HDLBP: variants seen among roughly 807,000 people sequenced by gnomAD.
HDLBP encodes vigilin.
A neutral mutation model predicts 137.3 loss-of-function variants in HDLBP; 30 were observed. The observed-to-expected ratio is 0.22, with a 90% confidence interval of 0.16 to 0.30. The LOEUF (loss-of-function observed/expected upper bound fraction) is 0.30, where lower values mean the gene tolerates loss of function less well. HDLBP is among the 10% of genes least tolerant of loss of function. The probability of loss-of-function intolerance (pLI) is 1.00; values close to 1 mark genes in which losing one functional copy is unlikely to be tolerated. For missense variants in HDLBP, 1,119 were observed against 1,667.3 expected (o/e 0.67, Z 5.73); for synonymous variants, 606 against 596.0 (o/e 1.02, Z -0.24).
chr2:241,264,387 T>C (rs2073485926), intron 4 of HDLBP, 61 bp downstream of exon 4: 1 of 1,310,828 alleles, frequency 7.6e-7, no homozygotes, highest in Non-Finnish European at 1.1e-6. Context: ...AAAAAAAATT[T>C]AAAAATTTAC....
chr2:241,255,633 C>A, intron 7 of HDLBP, 53 bp from the exon 8 acceptor site: 1 of 1,452,278 alleles, frequency 6.9e-7, no homozygotes, highest in African/African-American at 1.4e-5. Flanking sequence ...GGGAAGCGGG[C>A]AGGTGGGCAT....
Position 241,230,453 on chromosome 2 carries a change from G to A in HDLBP, c.3475-184C>T, listed in dbSNP as rs545541554. ...GTTAGGTGTATCTCAGGAGCACCTTGTTCCCAGCAGACAGAGGGCCGCAGC... is the reference window on the plus strand; with the variant it reads ...GTTAGGTGTATCTCAGGAGCACCTTATTCCCAGCAGACAGAGGGCCGCAGC... On this transcript the variant is annotated intron_variant, in intron 25 of 27. Transcript: ENST00000310931. The surrounding 1 kb of genome is among the most constrained non-coding windows in gnomAD (Gnocchi z 5.0). Among the ~76,000 whole-genome samples the A allele has an allele frequency of 1.3e-5, 2 of 152,268 alleles. No homozygotes were observed. The highest frequency in any genetic ancestry group is 2.9e-5 in the Non-Finnish European group (2 of 68,050).
At chr2:241,309,060 T>A (rs1278686169) in intron 1 of HDLBP, among the ~76,000 whole-genome samples, 1 of 152,210 alleles carries the variant, frequency 6.6e-6, no homozygotes, top group African/African-American at 2.4e-5. Flanking sequence ...TATAACGCTC[T>A]TCCCCAGATC....
At chr2:241,264,145 C>T (rs1169768446) in intron 4 of HDLBP, among the ~76,000 whole-genome samples, 5 of 151,872 alleles carry the variant, frequency 3.3e-5, no homozygotes, top group South Asian at 2.1e-4. Context: ...AGGCGGATCA[C>T]GAGGTCAGGA....
Position 241,247,158 on chromosome 2 carries a change from C to T in HDLBP, c.1732-16G>A, listed in dbSNP as rs1199867099. ...TATTTTCCACCTTAAAGACAAAAAA[C>T]ACAGCCCGATTCACCACCTGTGCTA... is the stretch of plus-strand genomic sequence containing the variant. On this transcript the variant is annotated splice_polypyrimidine_tract_variant and intron_variant, in intron 14 of 27. Transcript: ENST00000310931. 1 of 1,534,638 alleles carries T rather than the reference C, an allele frequency of 6.5e-7. No individual in the cohort carries two copies. The highest frequency in any genetic ancestry group is 9.0e-7 in the Non-Finnish European group (1 of 1,107,486).
At chr2:241,242,271 G>A (rs1427718313) in intron 17 of HDLBP, among the ~76,000 whole-genome samples, 189 bp downstream of exon 17, 2 of 152,064 alleles carry the variant, frequency 1.3e-5, no homozygotes, top group African/African-American at 2.4e-5. Flanking sequence ...TATTGCATAT[G>A]TGAGCGTTTG....
chr2:241,297,873 C>A (rs1490154221), intron 1 of HDLBP, among the ~76,000 whole-genome samples: 1 of 151,344 alleles, frequency 6.6e-6, no homozygotes, highest in Non-Finnish European at 1.5e-5. Flanking sequence ...CATGGTGAAA[C>A]CTTCTCTCTA....
intron 12 of HDLBP, among the ~76,000 whole-genome samples, chr2:241,249,038 T>C (rs188927842): frequency 1.3e-5 from 2 of 152,188 alleles, no homozygotes; most frequent in South Asian, 2.1e-4. Context: ...ACAAGGGACC[T>C]GGGCTGGAGG....
intron 3 of HDLBP, among the ~76,000 whole-genome samples, chr2:241,265,898 C>T (rs1233048171): frequency 6.6e-6 from 1 of 152,230 alleles, no homozygotes; most frequent in Non-Finnish European, 1.5e-5. Context: ...CAGAACAAAG[C>T]AGCTTCTCGG....
At chr2:241,277,107 T>G (rs1162362427) in intron 1 of HDLBP, among the ~76,000 whole-genome samples, 2 of 152,108 alleles carry the variant, frequency 1.3e-5, no homozygotes, top group Non-Finnish European at 2.9e-5. Context: ...AAAACTTGCT[T>G]CTAAGTAACT....
intron 1 of HDLBP, among the ~76,000 whole-genome samples, chr2:241,281,519 T>C (rs2074603676): frequency 6.6e-6 from 1 of 151,992 alleles, no homozygotes; most frequent in Non-Finnish European, 1.5e-5. Flanking sequence ...AGACCCTGTC[T>C]CAAAAAAATA....
intron 1 of HDLBP, among the ~76,000 whole-genome samples, chr2:241,295,739 G>C (rs1483800000): frequency 3.3e-5 from 5 of 152,184 alleles, no homozygotes; most frequent in African/African-American, 1.2e-4. Flanking sequence ...GATGATCCTG[G>C]ATTATCTGGG....
intron 1 of HDLBP, among the ~76,000 whole-genome samples, chr2:241,291,997 T>C (rs917729609): frequency 2.0e-5 from 3 of 152,074 alleles, no homozygotes; most frequent in Admixed American, 6.6e-5. Context: ...ACAGCAGCAA[T>C]AGGAAAGTAA....
In HDLBP at chr2:241,230,161, C is replaced by T; in HGVS notation, c.3583G>A (p.Glu1195Lys). ...EAIDHILNLEEEYLADVVDSE... is the reference protein window; with the variant it reads ...EAIDHILNLEKEYLADVVDSE... ...GGCCCACAGAGACTCACGTATTCCT[C>T]CTCCAGATTGAGGATGTGGTCGATG... Residue 1195 changes from glutamate to lysine, a missense_variant, in exon 26 of 28, where the codon GAG becomes AAG. By Grantham distance (56) the Glu-to-Lys change is moderately conservative (BLOSUM62 1). Coordinates refer to ENST00000310931, the MANE Select transcript of HDLBP (RefSeq NM_005336.6). The surrounding 1 kb of genome is among the most constrained non-coding windows in gnomAD (Gnocchi z 5.0). The T allele has an allele frequency of 1.2e-6, 2 of 1,612,596 alleles. No individual in the cohort carries two copies. The highest frequency in any genetic ancestry group is 1.7e-6 in the Non-Finnish European group (2 of 1,178,734).
chr2:241,272,987 C>A lies in HDLBP; in HGVS notation c.-102-4446G>T. 1 of 983,458 alleles carries A rather than the reference C, an allele frequency of 1.0e-6. No homozygotes were observed. The highest frequency in any genetic ancestry group is 4.7e-5 in the South Asian group (1 of 21,368). 60.9% of individuals were successfully genotyped at this position (983,458 alleles called of 1,614,324 possible). A position where few individuals can be genotyped will look rare whatever the true frequency, so the allele number is the denominator to read the frequency against. On this transcript the variant is annotated intron_variant, in intron 1 of 27. Transcript: ENST00000310931. The surrounding 1 kb of genome is among the most constrained non-coding windows in gnomAD (Gnocchi z 5.6). ...CCAACTGCAGGCGTGGTTCTGCATC[C>A]TTTTTTCGGGTGGGGAAGGCGGTGC... is the stretch of plus-strand genomic sequence containing the variant.
rs749312258 is a variant in HDLBP at position 241,236,637 on chromosome 2, T to G, written c.2882A>C (p.Glu961Ala). The change falls in exon 21 of 28, where the codon GAG becomes GCG. Residue 961 changes from glutamate (E) to alanine (A), a missense_variant. Coordinates refer to ENST00000310931, the MANE Select transcript of HDLBP (RefSeq NM_005336.6). ...IIISGRKEKC[E>A]AAKEALEALV... ...TACCTCCAGAGCTTCCTTGGCAGCC[T>G]CACACTTTTCTTTCCGGCCAGAGAT... 3 of 1,614,004 alleles carry G rather than the reference T, an allele frequency of 1.9e-6. No homozygotes were observed. The highest frequency in any genetic ancestry group is 2.5e-6 in the Non-Finnish European group (3 of 1,180,022).
chr2:241,299,385 C>T (rs1257139856), intron 1 of HDLBP, among the ~76,000 whole-genome samples: 1 of 151,080 alleles, frequency 6.6e-6, no homozygotes, highest in Non-Finnish European at 1.5e-5. Flanking sequence ...GGCATGGTGG[C>T]GTGCATCTGT....
chr2:241,294,575 C>T (rs2075113393), intron 1 of HDLBP, among the ~76,000 whole-genome samples: 1 of 152,288 alleles, frequency 6.6e-6, no homozygotes, highest in South Asian at 2.1e-4. Flanking sequence ...TCCTTTCCAC[C>T]TCAGACTCCT....
intron 1 of HDLBP, among the ~76,000 whole-genome samples, chr2:241,271,577 T>G (rs2074039662): frequency 6.6e-6 from 1 of 152,210 alleles, no homozygotes; most frequent in Non-Finnish European, 1.5e-5. Context: ...TTAAGTTGAT[T>G]CCCTTGTGAT....
Sources: allele counts gnomAD v4.1 joint callset (sites outside exome capture counted in the v4.1 genomes callset), GRCh38; gene constraint gnomAD v4.1.1; non-coding constraint Gnocchi (gnomAD v3.1); transcripts MANE v1.5; gene names NCBI Gene and HGNC (gene_info 2026-07-23, HGNC 2026-07-21).